Variants in EFR3A observed in about 807,000 individuals in gnomAD.
EFR3A encodes the protein EFR3 homolog A, also known as protein EFR3 homolog A.
Under a neutral mutation model 104.4 loss-of-function variants are expected in EFR3A, and 76 were observed. The ratio of observed to expected loss-of-function variants is 0.73; its 90% CI spans 0.60 to 0.88. EFR3A has a LOEUF of 0.88. Among genes scored for constraint, EFR3A ranks in the 40% least tolerant of loss-of-function variants. The pLI is 0.00. For missense variants in EFR3A, 985 were observed against 1,012.5 expected (o/e 0.97, Z 0.37); for synonymous variants, 330 against 330.0 (o/e 1.00, Z 0.00).
At chr8:132,001,260 A>G (rs1448434182) in intron 19 of EFR3A, among the ~76,000 whole-genome samples, 1 of 152,238 alleles carries the variant, frequency 6.6e-6, no homozygotes, top group Non-Finnish European at 1.5e-5. Context: ...CTTTTAAATC[A>G]TTTAAAATCT....
At chr8:131,994,858 C>T (rs756752253) in intron 18 of EFR3A, among the ~76,000 whole-genome samples, 2 of 152,130 alleles carry the variant, frequency 1.3e-5, no homozygotes, top group African/African-American at 4.8e-5. Flanking sequence ...GGAGTACTTA[C>T]TAGGTGCCAG....
intron 22 of EFR3A, among the ~76,000 whole-genome samples, chr8:132,010,217 A>G (rs1190468426): frequency 2.0e-5 from 3 of 151,766 alleles, no homozygotes; most frequent in East Asian, 3.9e-4. Context: ...TTCCGGCAAT[A>G]TGTATGTACC....
intron 7 of EFR3A, among the ~76,000 whole-genome samples, chr8:131,956,433 CT>C (rs1415062995): frequency 6.6e-6 from 1 of 152,186 alleles, no homozygotes; most frequent in Non-Finnish European, 1.5e-5. Flanking sequence ...TGTTAATGAG[CT>C]TTGAGTTTCT....
At chr8:131,976,217 G>GT in intron 11 of EFR3A, 76 bp downstream of exon 11, 1 of 993,026 alleles carries the variant, frequency 1.0e-6, no homozygotes, top group Non-Finnish European at 1.5e-6. Context: ...AAATGTTAAC[G>GT]TTTTGTTTTT....
chr8:131,943,584 G>T (rs920557154), intron 2 of EFR3A, among the ~76,000 whole-genome samples: 5 of 151,988 alleles, frequency 3.3e-5, no homozygotes, highest in African/African-American at 9.7e-5. Flanking sequence ...CTAGGGCAGG[G>T]TTTCTCAACT....
chr8:131,966,241 A>G (rs546912051), intron 8 of EFR3A, among the ~76,000 whole-genome samples: 1 of 152,128 alleles, frequency 6.6e-6, no homozygotes, highest in Non-Finnish European at 1.5e-5. Context: ...AGCAACAAAA[A>G]AAAGAGTTTC....
At chr8:131,927,197 A>G (rs1349887720) in intron 1 of EFR3A, among the ~76,000 whole-genome samples, 1 of 152,178 alleles carries the variant, frequency 6.6e-6, no homozygotes, top group African/African-American at 2.4e-5. Flanking sequence ...GGTCGTGGTT[A>G]AGGACAACTT....
At chr8:131,910,916 G>A (rs1242734405) in intron 1 of EFR3A, among the ~76,000 whole-genome samples, 4 of 152,144 alleles carry the variant, frequency 2.6e-5, no homozygotes. Flanking sequence ...ATAAAGAGAA[G>A]GGCACAGAAA....
At position 132,002,663 on chromosome 8, in the gene EFR3A, A is replaced by AG. The variant is rs1821841349; in HGVS notation, c.2268dup (p.Lys757GlufsTer5). ...AGGCGTCTTGTGATAGAGAAATTTC[A>AG]GAAAGCACCTTTTGAAGAAATAGCA... is the stretch of plus-strand genomic sequence containing the variant. On this transcript the variant is annotated frameshift_variant, in exon 21 of 23. Transcript: ENST00000254624. LOFTEE classifies it high-confidence loss of function. The AG allele has an allele frequency of 6.2e-7, 1 of 1,613,820 alleles. No homozygotes were observed. Among genetic ancestry groups the AG allele is most frequent in the Non-Finnish European group, 8.5e-7 (1 of 1,179,748 alleles).
At chr8:131,975,988 CTT>C in intron 10 of EFR3A, 37 bp from the exon 11 acceptor site, 1 of 1,288,566 alleles carries the variant, frequency 7.8e-7, no homozygotes, top group Non-Finnish European at 1.1e-6. Context: ...GAAAAGTAGA[CTT>C]TTTCAGTTTC....
chr8:131,941,396 C>T (rs981589107), intron 2 of EFR3A, among the ~76,000 whole-genome samples: 2 of 151,812 alleles, frequency 1.3e-5, no homozygotes, highest in African/African-American at 4.8e-5. Context: ...TAAAATGTAA[C>T]AAACTGTATA....
intron 2 of EFR3A, among the ~76,000 whole-genome samples, chr8:131,941,693 A>G (rs1818178401): frequency 1.3e-5 from 2 of 152,102 alleles, no homozygotes; most frequent in Admixed American, 6.6e-5. Context: ...TTTTGCCTCT[A>G]AAGCAGGGAG....
At chr8:131,932,128 A>G (rs1033949566) in intron 1 of EFR3A, among the ~76,000 whole-genome samples, 1 of 152,040 alleles carries the variant, frequency 6.6e-6, no homozygotes, top group African/African-American at 2.4e-5. Flanking sequence ...TGTTGTACTA[A>G]TGTTATTGGT....
intron 18 of EFR3A, among the ~76,000 whole-genome samples, chr8:131,993,730 C>T (rs1281793100): frequency 6.6e-6 from 1 of 151,954 alleles, no homozygotes; most frequent in Non-Finnish European, 1.5e-5. Flanking sequence ...TACCCCATCT[C>T]TGCAAAAAGT....
chr8:131,996,539 A>G (rs769373308), intron 19 of EFR3A, 42 bp downstream of exon 19: 2 of 1,335,424 alleles, frequency 1.5e-6, no homozygotes, highest in Non-Finnish European at 1.0e-6. Flanking sequence ...GTCTTGGTAG[A>G]CATCATTTAA....
At chr8:131,933,639 TATG>T (rs2130514196) in intron 1 of EFR3A, among the ~76,000 whole-genome samples, 1 of 152,214 alleles carries the variant, frequency 6.6e-6, no homozygotes, top group South Asian at 2.1e-4. Flanking sequence ...TTCCAATAAA[TATG>T]ATAATATACA....
Position 131,946,594 on chromosome 8 carries a change from A to AT in EFR3A, c.328dup (p.Ser110PhefsTer21), listed in dbSNP as rs1563651536. 5 of 1,605,570 alleles carry AT rather than the reference A, an allele frequency of 3.1e-6. No homozygotes were observed. The highest frequency in any genetic ancestry group is 4.3e-6 in the Non-Finnish European group (5 of 1,176,074). ...TTCATATGGTGGCAAAGCTGCTGGA[A>AT]TCGGGGGAACCAAAGCTTCAAGTTC... On this transcript the variant is annotated frameshift_variant, in exon 4 of 23. Transcript: ENST00000254624. LOFTEE classifies it high-confidence loss of function.
intron 7 of EFR3A, 124 bp from the exon 8 acceptor site, chr8:131,959,461 A>C: frequency 4.2e-6 from 3 of 711,246 alleles, no homozygotes; most frequent in South Asian, 2.0e-5. Context: ...TTAAGAATTA[A>C]ATTGAAATCT....
intron 14 of EFR3A, among the ~76,000 whole-genome samples, chr8:131,982,703 G>A (rs1463210118): frequency 2.6e-5 from 4 of 151,998 alleles, no homozygotes; most frequent in Admixed American, 1.3e-4. Flanking sequence ...AAATTATCAC[G>A]TATGTATGCA....
Sources: gnomAD v4.1 joint callset for allele counts (sites outside exome capture counted in the v4.1 genomes callset) on GRCh38, gnomAD v4.1.1 for gene constraint, MANE v1.5 for transcripts, NCBI Gene and HGNC (gene_info 2026-07-23, HGNC 2026-07-21) for gene names.